The following DUSP15 variants were observed in gnomAD, a reference collection of about 807,000 sequenced individuals.
The protein encoded by DUSP15 is dual specificity phosphatase 15, also known as dual specificity protein phosphatase 15.
Under a neutral mutation model 26.3 loss-of-function variants are expected in DUSP15, and 23 were observed. That is an observed-to-expected ratio of 0.87 (90% CI 0.63 to 1.24). DUSP15 has a LOEUF of 1.24. Among genes scored for constraint, DUSP15 ranks in the 50% most tolerant of loss-of-function variants. The pLI is 0.00. For missense variants in DUSP15, 364 were observed against 320.6 expected, an observed-to-expected ratio of 1.14 and a Z score of -1.03; for synonymous variants, 143 against 135.5, an observed-to-expected ratio of 1.06 and a Z score of -0.39.
downstream of DUSP15, among the ~76,000 whole-genome samples, chr20:31,847,067 T>C (rs898567938): frequency 6.6e-6 from 1 of 151,982 alleles, no homozygotes; most frequent in African/African-American, 2.4e-5. Context: ...TCCTCTCTGC[T>C]CTCCCACTCC....
At chr20:31,861,016 C>T, downstream of DUSP15, 1 of 1,037,746 alleles carries the variant, frequency 9.6e-7, no homozygotes, top group Non-Finnish European at 1.2e-6. Flanking sequence ...CCTGCTGGCT[C>T]CTGGCAGAAT....
chr20:31,863,748 G>T, intron 5 of DUSP15, 159 bp downstream of exon 5: 2 of 658,130 alleles, frequency 3.0e-6, no homozygotes, highest in Non-Finnish European at 2.7e-6. Flanking sequence ...ATAGAGTCCC[G>T]GGTTGGCCTC....
intron 7 of DUSP15, chr20:31,849,980 C>A: frequency 1.5e-6 from 2 of 1,373,912 alleles, no homozygotes; most frequent in Non-Finnish European, 1.9e-6. Context: ...TCGTCCCAGC[C>A]TCTACCTCGG....
At chr20:31,856,190 G>A (rs759682287), downstream of DUSP15, among the ~76,000 whole-genome samples, 9 of 152,170 alleles carry the variant, frequency 5.9e-5, 1 homozygote, top group Admixed American at 3.3e-4. Flanking sequence ...AAAGGGAATC[G>A]CATGTGCAAA....
chr20:31,853,421 A>G (rs2123199505), intron 6 of DUSP15, among the ~76,000 whole-genome samples: 1 of 152,278 alleles, frequency 6.6e-6, no homozygotes, highest in South Asian at 2.1e-4. Context: ...AAGAGAAAAA[A>G]TGATAAAAAA....
At chr20:31,869,273 GC>G (rs1182534784) in intron 2 of DUSP15, among the ~76,000 whole-genome samples, 1 of 152,206 alleles carries the variant, frequency 6.6e-6, no homozygotes, top group African/African-American at 2.4e-5. Flanking sequence ...CAGGCCCCGA[GC>G]CCTTTGCTCT....
downstream of DUSP15, among the ~76,000 whole-genome samples, chr20:31,859,425 C>G (rs763754058): frequency 4.6e-5 from 7 of 152,148 alleles, no homozygotes; most frequent in African/African-American, 1.7e-4. Flanking sequence ...AGAGAGAATG[C>G]CCCCCACTCC....
rs780747041 is a variant in DUSP15 at position 31,848,844 on chromosome 20, G to T, written c.688C>A (p.Pro230Thr). The T allele has an allele frequency of 3.1e-6, 5 of 1,612,278 alleles. No individual in the cohort carries two copies. The African/African-American group carries it at 6.7e-5, about 22-fold the overall frequency. Residue 230 changes from proline to threonine, a missense_variant, in exon 9 of 10, where the codon CCC (proline) becomes ACC (threonine). Physicochemically the swap from Pro to Thr is conservative, Grantham distance 38. Transcript: ENST00000278979. ...AGCTGCTCCTTGGGGTGCTGTGTGG[G>T]GCCCGGGTCCTCCTCACCGAAGCAC... is the stretch of plus-strand genomic sequence containing the variant.
chr20:31,848,900 C>A (rs2062414672), exon 9 of DUSP15: 2 of 1,611,060 alleles, frequency 1.2e-6, no homozygotes, highest in African/African-American at 1.3e-5. Context: ...GTCCGGTGAC[C>A]ATCCTGCAGG....
At position 31,848,882 on chromosome 20, in the gene DUSP15, TA is replaced by T. The variant is rs1275242001; in HGVS notation, c.649del (p.Tyr217ThrfsTer40). ...CTCACCGAAGCACAGACAGATCTGG[TA>T]CTTTGGGTCCGGTGACCATCCTGCA... On this transcript the variant is annotated frameshift_variant, in exon 9 of 10. Transcript: ENST00000278979. LOFTEE classifies it high-confidence loss of function. 1.9e-6 allele frequency: 3 copies of T among 1,611,882 alleles called. No individual in the cohort carries two copies. Among genetic ancestry groups the T allele is most frequent in the Non-Finnish European group, 1.7e-6 (2 of 1,179,446 alleles).
downstream of DUSP15, among the ~76,000 whole-genome samples, chr20:31,860,165 G>C (rs1221464676): frequency 6.6e-6 from 1 of 152,196 alleles, no homozygotes; most frequent in Non-Finnish European, 1.5e-5. Context: ...GCACACAGTA[G>C]GTACTCAATG....
downstream of DUSP15, among the ~76,000 whole-genome samples, chr20:31,846,490 G>C (rs947728260): frequency 6.8e-6 from 1 of 146,972 alleles, no homozygotes; most frequent in African/African-American, 2.6e-5. Context: ...AGAGAGGCAG[G>C]GCCTGAGCCC....
chr20:31,851,200 G>A (rs1238640734), intron 6 of DUSP15, among the ~76,000 whole-genome samples: 1 of 152,152 alleles, frequency 6.6e-6, no homozygotes, highest in Non-Finnish European at 1.5e-5. Context: ...ACTGTGATAG[G>A]GAGAGAAGTG....
chr20:31,869,793 G>T (rs2123325673), intron 1 of DUSP15, 196 bp from the exon 2 acceptor site: 2 of 1,441,800 alleles, frequency 1.4e-6, no homozygotes, highest in East Asian at 5.1e-5. Context: ...GGTAGGCTAG[G>T]GGGCCAGTTA....
At chr20:31,849,781 C>T (rs913083198) in exon 8 of DUSP15, 2 of 1,539,320 alleles carry the variant, frequency 1.3e-6, no homozygotes, top group Non-Finnish European at 1.7e-6. Context: ...GCTCGGCGGC[C>T]GCCCGCGGAC....
Position 31,861,190 on chromosome 20 carries a change from C to G in DUSP15, c.*213G>C. 7.4e-7 allele frequency: 1 copy of G among 1,350,762 alleles called. No individual in the cohort carries two copies. The allele number at this position is 1,350,762 out of a possible 1,614,324, so 83.7% of individuals were successfully genotyped here. A position where few individuals can be genotyped will look rare whatever the true frequency, so the allele number is the denominator to read the frequency against. On this transcript the variant is annotated 3_prime_UTR_variant, in exon 7 of 7. Coordinates refer to ENST00000339738, the MANE Select transcript of DUSP15 (RefSeq NM_080611.5). ...CTCCCCCAGCCCAAGGACTAAGGCA[C>G]CAGGTGGCTGCAGCAGGCCGGCCCG...
chr20:31,849,673 C>T (rs2062431820), intron 8 of DUSP15: 1 of 1,529,370 alleles, frequency 6.5e-7, no homozygotes, highest in African/African-American at 1.4e-5. Context: ...CTGCACACCG[C>T]GCTCCAGGTG....
rs148687519 is a variant in DUSP15, at chr20:31,868,597, A to C, written c.55+967T>G. On this transcript the variant is annotated intron_variant, in intron 2 of 6. Transcript: ENST00000339738. ...CGGGTTCAAGTGATTCTCCTGCCTC[A>C]GCCTCCCAAGTAGCTGGGATTACAG... is the stretch of plus-strand genomic sequence containing the variant. 3.6e-3 allele frequency among the ~76,000 whole-genome samples: 528 copies of C among 147,988 alleles called. 1 individual carries two copies. The highest frequency in any genetic ancestry group is 0.013 in the African/African-American group (499 of 39,808).
intron 5 of DUSP15, 86 bp from the exon 6 acceptor site, chr20:31,862,828 C>T (rs1302646849): frequency 2.9e-6 from 4 of 1,373,722 alleles, no homozygotes; most frequent in African/African-American, 2.9e-5. Flanking sequence ...TCAACTCCCC[C>T]ACCCTTGCCT....
Sources: gnomAD v4.1 joint callset for allele counts (sites outside exome capture counted in the v4.1 genomes callset) on GRCh38, gnomAD v4.1.1 for gene constraint, MANE v1.5 for transcripts, NCBI Gene and HGNC (gene_info 2026-07-23, HGNC 2026-07-21) for gene names.